Variants in NCAM2 observed in about 807,000 individuals in gnomAD.
NCAM2 encodes neural cell adhesion molecule 2.
NCAM2 carries 30 observed loss-of-function variants against 98.1 expected under a neutral mutation model. The observed-to-expected ratio is 0.31, with a 90% confidence interval of 0.23 to 0.41. The LOEUF (loss-of-function observed/expected upper bound fraction) is 0.41. Among genes scored for constraint, NCAM2 ranks in the 10% least tolerant of loss-of-function variants. NCAM2 has a pLI of 1.00. For synonymous variants in NCAM2, 368 were observed against 342.4 expected (o/e 1.07, Z -0.83); for missense variants, 867 against 1,005.8 (o/e 0.86, Z 1.87).
intron 1 of NCAM2, among the ~76,000 whole-genome samples, chr21:21,115,957 T>TTGTGTGTGTGTGTGTGTGTG (rs58824475): frequency 6.8e-6 from 1 of 147,174 alleles, no homozygotes; most frequent in African/African-American, 2.5e-5. Context: ...CTCTGAGATT[T>TTGTGTGTGTGTGTGTGTGTG]TGTGTGTGTG....
intron 6 of NCAM2, among the ~76,000 whole-genome samples, chr21:21,331,398 A>G (rs761592850): frequency 2.2e-4 from 33 of 147,636 alleles, no homozygotes; most frequent in Non-Finnish European, 4.0e-4. Flanking sequence ...TTGGCCTCCC[A>G]AAGTGCTGGG....
chr21:21,185,571 A>G (rs751252675), intron 1 of NCAM2, among the ~76,000 whole-genome samples: 1 of 152,198 alleles, frequency 6.6e-6, no homozygotes, highest in Non-Finnish European at 1.5e-5. Context: ...AAAGTCAGCC[A>G]TACGATCACT....
At position 21,537,867 on chromosome 21, in the gene NCAM2, A is replaced by G; in HGVS notation, c.2424A>G (p.Glu808=). The change falls in exon 18 of 18, where the codon GAA becomes GAG. Residue 808 remains glutamate (E), a synonymous_variant. Transcript: ENST00000400546. ...TEPEKLPLKE[E]DGKEALNPET... is the part of the protein sequence containing the mutation. Reference sequence around the variant, plus strand: ...CCAGAAAATTGCCTTTAAAGGAAGAAGATGGGAAAGAAGCTCTAAATCCAG... The same window carrying G: ...CCAGAAAATTGCCTTTAAAGGAAGAGGATGGGAAAGAAGCTCTAAATCCAG... 6.4e-7 allele frequency: 1 copy of G among 1,560,516 alleles called. No homozygotes were observed. The highest frequency in any genetic ancestry group is 8.7e-7 in the Non-Finnish European group (1 of 1,149,104).
At chr21:21,031,895 T>C (rs576565884) in intron 1 of NCAM2, among the ~76,000 whole-genome samples, 1 of 152,328 alleles carries the variant, frequency 6.6e-6, no homozygotes, top group East Asian at 1.9e-4. Flanking sequence ...TTTTATATTA[T>C]TTCTGTGACT....
intron 9 of NCAM2, among the ~76,000 whole-genome samples, chr21:21,405,629 A>T (rs2145891792): frequency 6.6e-6 from 1 of 152,268 alleles, no homozygotes; most frequent in South Asian, 2.1e-4. Context: ...TTTAATGCAG[A>T]AGTTTACTTG....
At chr21:21,374,578 G>A (rs1163511016) in intron 9 of NCAM2, among the ~76,000 whole-genome samples, 1 of 151,810 alleles carries the variant, frequency 6.6e-6, no homozygotes, top group Non-Finnish European at 1.5e-5. Context: ...TGAGTTTTGG[G>A]AAATGGGAGG....
At chr21:21,124,307 T>C (rs1411804166) in intron 1 of NCAM2, among the ~76,000 whole-genome samples, 1 of 152,200 alleles carries the variant, frequency 6.6e-6, no homozygotes, top group East Asian at 1.9e-4. Context: ...AATTCATTCT[T>C]ATATTTAGAA....
chr21:21,054,497 A>G (rs542961518), intron 1 of NCAM2, among the ~76,000 whole-genome samples: 1 of 152,164 alleles, frequency 6.6e-6, no homozygotes, highest in Non-Finnish European at 1.5e-5. Context: ...ACAAAATTTA[A>G]AGGCATGGTT....
intron 9 of NCAM2, among the ~76,000 whole-genome samples, chr21:21,383,572 C>T (rs1266855326): frequency 6.6e-6 from 1 of 152,078 alleles, no homozygotes; most frequent in Non-Finnish European, 1.5e-5. Context: ...TTTTTTTCCT[C>T]TTGAGAACCC....
At chr21:21,028,458 A>G (rs1467808590) in intron 1 of NCAM2, among the ~76,000 whole-genome samples, 1 of 152,226 alleles carries the variant, frequency 6.6e-6, no homozygotes, top group Non-Finnish European at 1.5e-5. Context: ...TTCACACTTC[A>G]TAAACAGACC....
intron 1 of NCAM2, among the ~76,000 whole-genome samples, chr21:21,234,001 G>C (rs1006587059): frequency 6.6e-6 from 1 of 151,656 alleles, no homozygotes; most frequent in Non-Finnish European, 1.5e-5. Flanking sequence ...ATTTAAGAGC[G>C]TATAAAAGTT....
At chr21:21,270,320 G>A (rs1167632620) in intron 1 of NCAM2, among the ~76,000 whole-genome samples, 1 of 151,978 alleles carries the variant, frequency 6.6e-6, no homozygotes, top group Admixed American at 6.6e-5. Context: ...ATGTACTCAG[G>A]GCCTAACTAC....
chr21:21,473,678 A>G (rs762944413), intron 14 of NCAM2, among the ~76,000 whole-genome samples: 12 of 151,934 alleles, frequency 7.9e-5, no homozygotes, highest in Non-Finnish European at 1.8e-4. Context: ...TGATGCTGAT[A>G]ATACATTTCA....
At chr21:21,214,750 C>CAT (rs1312296366) in intron 1 of NCAM2, among the ~76,000 whole-genome samples, 10 of 33,766 alleles carry the variant, frequency 3.0e-4, no homozygotes, top group African/African-American at 6.4e-4. Context: ...TATATATACA[C>CAT]TATATATACA....
intron 1 of NCAM2, among the ~76,000 whole-genome samples, chr21:21,144,297 C>G (rs986314015): frequency 6.6e-6 from 1 of 150,676 alleles, no homozygotes; most frequent in Non-Finnish European, 1.5e-5. Context: ...TGCAGTGAGC[C>G]AAGATTGTGC....
At chr21:21,129,210 A>G (rs2066886610) in intron 1 of NCAM2, among the ~76,000 whole-genome samples, 1 of 152,182 alleles carries the variant, frequency 6.6e-6, no homozygotes, top group Admixed American at 6.6e-5. Flanking sequence ...CAGATACTGT[A>G]CAGACTTACC....
chr21:21,346,605 A>G (rs900056854), intron 8 of NCAM2, among the ~76,000 whole-genome samples: 1 of 152,024 alleles, frequency 6.6e-6, no homozygotes, highest in African/African-American at 2.4e-5. Context: ...CACATGGATC[A>G]TTTTCAAGGA....
chr21:21,472,937 A>G (rs905949572), intron 14 of NCAM2, among the ~76,000 whole-genome samples: 5 of 151,044 alleles, frequency 3.3e-5, no homozygotes, highest in Non-Finnish European at 7.4e-5. Context: ...AAACCTTTAA[A>G]TCTTCCAAAT....
At chr21:21,274,486 A>C (rs1478368966) in intron 1 of NCAM2, among the ~76,000 whole-genome samples, 1 of 152,220 alleles carries the variant, frequency 6.6e-6, no homozygotes, top group East Asian at 1.9e-4. Flanking sequence ...ATCAAATAAC[A>C]CACATAGGCT....
Sources: gnomAD v4.1 joint callset for allele counts (sites outside exome capture counted in the v4.1 genomes callset) on GRCh38, gnomAD v4.1.1 for gene constraint, MANE v1.5 for transcripts, NCBI Gene and HGNC (gene_info 2026-07-23, HGNC 2026-07-21) for gene names.